FLI1: variants seen among roughly 807,000 people sequenced by gnomAD.
FLI1 encodes Fli-1 proto-oncogene, ETS transcription factor, also known as Friend leukemia integration 1 transcription factor.
Under a neutral mutation model 53.1 loss-of-function variants are expected in FLI1, and 13 were observed. The ratio of observed to expected loss-of-function variants is 0.24; its 90% CI spans 0.16 to 0.39. The LOEUF is 0.39. Ranked by LOEUF, FLI1 falls within the 10% of genes least tolerant of loss-of-function variation. The probability of loss-of-function intolerance (pLI) is 1.00; values close to 1 mark genes in which losing one functional copy is unlikely to be tolerated. For missense variants in FLI1, 424 were observed against 600.5 expected (o/e 0.71, Z 3.07); for synonymous variants, 244 against 236.7 (o/e 1.03, Z -0.28).
intron 1 of FLI1, among the ~76,000 whole-genome samples, chr11:128,709,542 T>C (rs1049730875): frequency 4.6e-5 from 7 of 152,156 alleles, no homozygotes; most frequent in Non-Finnish European, 7.4e-5. Flanking sequence ...CGGCCATTGT[T>C]CTACTTGTGA....
chr11:128,691,922 G>A (rs563144506), upstream of FLI1: 10 of 152,308 alleles, frequency 6.6e-5, no homozygotes, highest in East Asian at 1.9e-3. Flanking sequence ...GTCGCCACCT[G>A]TGGGATGCCA....
chr11:128,707,943 C>T (rs1388933971), intron 1 of FLI1, among the ~76,000 whole-genome samples: 2 of 152,148 alleles, frequency 1.3e-5, no homozygotes, highest in African/African-American at 4.8e-5. Context: ...TTTTTTCTCT[C>T]CTAAATGTCC....
intron 3 of FLI1, among the ~76,000 whole-genome samples, chr11:128,769,518 T>C (rs548329809): frequency 2.0e-5 from 3 of 152,282 alleles, no homozygotes; most frequent in Admixed American, 2.0e-4. Context: ...GTGTTTGTTT[T>C]CCCTGGGAAG....
At chr11:128,706,684 C>T (rs534734871) in intron 1 of FLI1, among the ~76,000 whole-genome samples, 1 of 152,288 alleles carries the variant, frequency 6.6e-6, no homozygotes, top group African/African-American at 2.4e-5. Flanking sequence ...TCATTTAACC[C>T]ACAGGGACTC....
At chr11:128,764,646 C>T in intron 2 of FLI1, 1 of 1,532,228 alleles carries the variant, frequency 6.5e-7, no homozygotes, top group Non-Finnish European at 8.7e-7. Flanking sequence ...AAGCCTTCTT[C>T]ACAGGCGCCA....
chr11:128,784,667 A>G (rs957228774), intron 5 of FLI1, among the ~76,000 whole-genome samples: 4 of 152,198 alleles, frequency 2.6e-5, no homozygotes, highest in African/African-American at 9.7e-5. Flanking sequence ...AAAGTACATT[A>G]GCAAGACAAA....
At chr11:128,725,399 C>A (rs565968113) in intron 1 of FLI1, among the ~76,000 whole-genome samples, 1 of 152,208 alleles carries the variant, frequency 6.6e-6, no homozygotes, top group Non-Finnish European at 1.5e-5. Flanking sequence ...CACTTCAGAT[C>A]ATAACCAAAA....
At chr11:128,768,985 C>T (rs1022383181) in intron 3 of FLI1, among the ~76,000 whole-genome samples, 3 of 152,258 alleles carry the variant, frequency 2.0e-5, no homozygotes, top group Non-Finnish European at 4.4e-5. Context: ...TACTTCCCGG[C>T]ATCTACCAGG....
At chr11:128,694,493 C>G (rs1340931863) in intron 1 of FLI1, among the ~76,000 whole-genome samples, 2 of 22 alleles carry the variant, frequency 0.091, no homozygotes, top group Admixed American at 0.5. Flanking sequence ...CCCCCGAAAT[C>G]CCAGCCCCCA....
intron 1 of FLI1, chr11:128,686,976 G>C (rs1194173146): frequency 3.2e-5 from 5 of 158,684 alleles, no homozygotes; most frequent in African/African-American, 4.8e-5. Context: ...AGACCGAGCA[G>C]CTCGCCGCGT....
At chr11:128,798,783 T>A (rs1363553724) in intron 5 of FLI1, among the ~76,000 whole-genome samples, 8 of 152,128 alleles carry the variant, frequency 5.3e-5, no homozygotes, top group African/African-American at 1.9e-4. Flanking sequence ...ATAGCCCCTC[T>A]AGAATGGTGG....
chr11:128,687,145 C>A (rs1033975715), intron 1 of FLI1, among the ~76,000 whole-genome samples: 2 of 152,256 alleles, frequency 1.3e-5, no homozygotes, highest in African/African-American at 2.4e-5. Context: ...TGCGGGTATG[C>A]GGGCGCCACG....
chr11:128,725,023 G>C (rs1420260990), intron 1 of FLI1, among the ~76,000 whole-genome samples: 4 of 152,182 alleles, frequency 2.6e-5, no homozygotes, highest in Admixed American at 6.5e-5. Context: ...GCTCTGTCCA[G>C]GGGGAGGATG....
intron 1 of FLI1, among the ~76,000 whole-genome samples, chr11:128,754,851 G>T (rs531724800): frequency 6.6e-6 from 1 of 152,258 alleles, no homozygotes; most frequent in Non-Finnish European, 1.5e-5. Context: ...GAACCGGGAC[G>T]CTCTCCTCCT....
chr11:128,731,309 G>C (rs1020557863), intron 1 of FLI1, among the ~76,000 whole-genome samples: 1 of 152,168 alleles, frequency 6.6e-6, no homozygotes, highest in Non-Finnish European at 1.5e-5. Context: ...AATGTGGGGG[G>C]GTTGGTGAGT....
intron 1 of FLI1, among the ~76,000 whole-genome samples, chr11:128,745,583 G>A (rs1591774180): frequency 6.6e-6 from 1 of 152,212 alleles, no homozygotes; most frequent in Non-Finnish European, 1.5e-5. Flanking sequence ...CGTGAATCAC[G>A]GAAAAGAAGC....
intron 5 of FLI1, among the ~76,000 whole-genome samples, chr11:128,801,902 A>G (rs1942647878): frequency 6.6e-6 from 1 of 152,232 alleles, no homozygotes; most frequent in Non-Finnish European, 1.5e-5. Context: ...ACCATAAACG[A>G]CAAATACAAA....
At chr11:128,775,175 G>T (rs600226) in intron 4 of FLI1, among the ~76,000 whole-genome samples, 67,203 of 151,668 alleles carry the variant, frequency 0.44, 15,928 homozygotes, top group Middle Eastern at 0.59. Flanking sequence ...GGATGGTGGC[G>T]AACAGTAGTA....
At chr11:128,742,653 T>C (rs1054469335) in intron 1 of FLI1, among the ~76,000 whole-genome samples, 14 of 152,250 alleles carry the variant, frequency 9.2e-5, no homozygotes, top group Admixed American at 9.2e-4. Flanking sequence ...GAGTTGCTTC[T>C]GCATTGCATG....
Sources: allele counts gnomAD v4.1 joint callset (sites outside exome capture counted in the v4.1 genomes callset), GRCh38; gene constraint gnomAD v4.1.1; transcripts MANE v1.5; gene names NCBI Gene and HGNC (gene_info 2026-07-23, HGNC 2026-07-21).